NHSL2: variants seen among roughly 807,000 people sequenced by gnomAD.
The protein encoded by NHSL2 is NHS-like protein 2.
In NHSL2, 27 loss-of-function variants were observed where a neutral mutation model predicts 53.4. The observed-to-expected ratio is 0.51, with a 90% CI of 0.37 to 0.70. The LOEUF (loss-of-function observed/expected upper bound fraction) is 0.70. Ranked by LOEUF, NHSL2 falls within the 30% of genes least tolerant of loss-of-function variation. The probability of loss-of-function intolerance (pLI) is 0.00; values close to 1 mark genes in which losing one functional copy is unlikely to be tolerated. For synonymous variants in NHSL2, 408 were observed against 404.1 expected (o/e 1.01, Z -0.12); for missense variants, 892 against 980.1 (o/e 0.91, Z 1.20).
intron 1 of NHSL2, among the ~76,000 whole-genome samples, chrX:72,038,936 A>G (rs1363971838): frequency 1.8e-5 from 2 of 111,975 alleles, no homozygotes; most frequent in Non-Finnish European, 3.8e-5. Context: ...GAGAAAAAAA[A>G]CATACAGAGG....
chrX:72,007,768 G>T (rs1037688428), intron 1 of NHSL2, among the ~76,000 whole-genome samples: 4 of 113,392 alleles, frequency 3.5e-5, no homozygotes, highest in Non-Finnish European at 7.5e-5. Flanking sequence ...TCCAATGAAG[G>T]TCATCCTCTC....
chrX:72,058,742 G>A (rs186452197), intron 1 of NHSL2, among the ~76,000 whole-genome samples: 180 of 112,400 alleles, frequency 1.6e-3, no homozygotes, highest in Non-Finnish European at 2.4e-3. Context: ...CATTGTAAAG[G>A]ACACCAGGAT....
intron 1 of NHSL2, among the ~76,000 whole-genome samples, chrX:71,987,482 G>A (rs2042008388): frequency 1.8e-5 from 2 of 111,912 alleles, no homozygotes; most frequent in Non-Finnish European, 3.8e-5. Flanking sequence ...ATTTTCAAAA[G>A]TCAAAGAAGC....
At chrX:71,933,916 A>C (rs2041725392) in intron 1 of NHSL2, among the ~76,000 whole-genome samples, 1 of 111,267 alleles carries the variant, frequency 9.0e-6, no homozygotes, top group African/African-American at 3.3e-5. Flanking sequence ...AACTTGTGAC[A>C]ACAGCTGGAC....
chrX:71,960,569 A>G (rs1219116308), intron 1 of NHSL2, among the ~76,000 whole-genome samples: 2 of 112,169 alleles, frequency 1.8e-5, no homozygotes, highest in African/African-American at 6.5e-5. Flanking sequence ...TTATTAGGGT[A>G]GGAATCCAAC....
intron 1 of NHSL2, among the ~76,000 whole-genome samples, chrX:72,059,425 T>A (rs2042387735): frequency 9.0e-6 from 1 of 111,626 alleles, no homozygotes; most frequent in African/African-American, 3.3e-5. Context: ...CTCATGACAT[T>A]TAAGGCCTCC....
intron 1 of NHSL2, among the ~76,000 whole-genome samples, chrX:71,921,108 A>AT (rs1467743971): frequency 1.8e-5 from 2 of 108,514 alleles, no homozygotes; most frequent in Non-Finnish European, 3.8e-5. Context: ...CGGCCAATAT[A>AT]TTTTTTAACA....
At chrX:72,074,499 A>G (rs1444320027) in intron 1 of NHSL2, among the ~76,000 whole-genome samples, 1 of 112,265 alleles carries the variant, frequency 8.9e-6, no homozygotes, top group Non-Finnish European at 1.9e-5. Context: ...CCCTCCTCCC[A>G]TGACTGAGAG....
intron 1 of NHSL2, among the ~76,000 whole-genome samples, chrX:72,043,365 A>G (rs1488461339): frequency 2.7e-5 from 3 of 111,438 alleles, no homozygotes; most frequent in Non-Finnish European, 3.8e-5. Flanking sequence ...TAATATTAAT[A>G]TATATTGCTT....
At chrX:72,043,622 A>G (rs898578401) in intron 1 of NHSL2, among the ~76,000 whole-genome samples, 12 of 111,749 alleles carry the variant, frequency 1.1e-4, no homozygotes, top group Non-Finnish European at 2.3e-4. Context: ...CAGCTTCTTT[A>G]GTACAGACCC....
chrX:72,114,268 A>G (rs1388624996), intron 1 of NHSL2, among the ~76,000 whole-genome samples: 2 of 112,635 alleles, frequency 1.8e-5, no homozygotes, highest in Non-Finnish European at 3.7e-5. Flanking sequence ...CATAACAGAA[A>G]AGCATGACAA....
intron 1 of NHSL2, among the ~76,000 whole-genome samples, chrX:71,918,461 C>G (rs980807018): frequency 2.7e-5 from 3 of 109,709 alleles, no homozygotes; most frequent in Non-Finnish European, 5.7e-5. Flanking sequence ...CTTCCGAGCA[C>G]AGTGTAATTA....
chrX:72,081,954 A>G (rs1026386858), intron 1 of NHSL2, among the ~76,000 whole-genome samples: 2 of 112,240 alleles, frequency 1.8e-5, no homozygotes, highest in Non-Finnish European at 1.9e-5. Flanking sequence ...CTCGACAGAC[A>G]GAGGCCACAG....
intron 1 of NHSL2, among the ~76,000 whole-genome samples, chrX:72,049,508 C>G (rs781355976): frequency 9.1e-6 from 1 of 110,352 alleles, no homozygotes; most frequent in Admixed American, 9.6e-5. Context: ...GAGACTCCCC[C>G]CAATTCCCTT....
chrX:71,938,399 A>G (rs1335882897), intron 1 of NHSL2, among the ~76,000 whole-genome samples: 1 of 112,060 alleles, frequency 8.9e-6, no homozygotes, highest in Non-Finnish European at 1.9e-5. Flanking sequence ...GACACAGGGC[A>G]TTTGACCATA....
chrX:71,985,711 T>G (rs1004235250), intron 1 of NHSL2, among the ~76,000 whole-genome samples: 1 of 112,635 alleles, frequency 8.9e-6, no homozygotes, highest in African/African-American at 3.2e-5. Context: ...ATTGCTTCAG[T>G]CTTCTATTAG....
At chrX:72,108,897 C>T (rs2042068113) in intron 1 of NHSL2, among the ~76,000 whole-genome samples, 1 of 111,237 alleles carries the variant, frequency 9.0e-6, no homozygotes, top group African/African-American at 3.3e-5. Flanking sequence ...AATTCCTGAC[C>T]GCAGCCCATA....
chrX:72,087,000 G>C (rs912406725), intron 1 of NHSL2, among the ~76,000 whole-genome samples: 6 of 111,968 alleles, frequency 5.4e-5, no homozygotes, highest in African/African-American at 2.0e-4. Context: ...TGGGCTGTGA[G>C]AGGGCCTGGG....
chrX:71,954,369 A>G (rs756101405), intron 1 of NHSL2, among the ~76,000 whole-genome samples: 56 of 112,388 alleles, frequency 5.0e-4, no homozygotes, highest in Non-Finnish European at 1.0e-3. Flanking sequence ...ACTCTCATGC[A>G]CTGTGCACTG....
Sources: gnomAD v4.1 joint callset for allele counts (sites outside exome capture counted in the v4.1 genomes callset) on GRCh38, gnomAD v4.1.1 for gene constraint, MANE v1.5 for transcripts, NCBI Gene and HGNC (gene_info 2026-07-23, HGNC 2026-07-21) for gene names.